Variants in CCDC148 observed in about 807,000 individuals in gnomAD.
CCDC148 encodes coiled-coil domain-containing protein 148.
In CCDC148, 89 loss-of-function variants were observed where a neutral mutation model predicts 85.7. The ratio of observed to expected loss-of-function variants is 1.04; its 90% CI spans 0.87 to 1.24. The LOEUF is 1.24. Among genes scored for constraint, CCDC148 ranks in the 50% most tolerant of loss-of-function variants. CCDC148 has a pLI of 0.00. For missense variants in CCDC148, 692 were observed against 671.7 expected, an observed-to-expected ratio of 1.03 and a Z score of -0.33; for synonymous variants, 230 against 213.9, an observed-to-expected ratio of 1.08 and a Z score of -0.66.
intron 11 of CCDC148, among the ~76,000 whole-genome samples, chr2:158,197,484 G>C (rs1266488766): frequency 6.6e-6 from 1 of 152,102 alleles, no homozygotes; most frequent in Non-Finnish European, 1.5e-5. Context: ...TAAAGTATGT[G>C]TATGGTTAAG....
At chr2:158,211,092 G>A (rs1392585154) in intron 11 of CCDC148, among the ~76,000 whole-genome samples, 2 of 151,962 alleles carry the variant, frequency 1.3e-5, no homozygotes, top group African/African-American at 4.8e-5. Context: ...GTAGACGGTG[G>A]GTTGATGGGT....
rs147595544 is a variant in CCDC148, at chr2:158,440,504, C to G, written c.25+15911G>C. The stretch of plus-strand genomic sequence containing the variant: ...TTATTCTCAGGAGATGCATTCAAGA[C>G]CCCCAGTGGATACCTGAAACCTCGA... On this transcript the variant is annotated intron_variant, in intron 1 of 13. Coordinates refer to ENST00000283233, the MANE Select transcript of CCDC148 (RefSeq NM_138803.4). 5.5e-3 allele frequency among the ~76,000 whole-genome samples: 834 copies of G among 152,174 alleles called. 2 individuals carry two copies. Among genetic ancestry groups the G allele is most frequent in the South Asian group, 9.1e-3 (44 of 4,818 alleles).
intron 11 of CCDC148, among the ~76,000 whole-genome samples, chr2:158,209,779 C>T (rs779589607): frequency 1.8e-4 from 27 of 152,278 alleles, no homozygotes; most frequent in Non-Finnish European, 3.8e-4. Context: ...ATTCTGTCAC[C>T]ACCAGGCCTG....
chr2:158,261,824 A>G (rs6752817), intron 9 of CCDC148, among the ~76,000 whole-genome samples: 6,174 of 152,216 alleles, frequency 0.041, 415 homozygotes, highest in African/African-American at 0.14. Flanking sequence ...ATACCATCTC[A>G]CACCAGTCAC....
At chr2:158,197,551 C>G (rs1685738853) in intron 11 of CCDC148, among the ~76,000 whole-genome samples, 1 of 152,102 alleles carries the variant, frequency 6.6e-6, no homozygotes, top group African/African-American at 2.4e-5. Flanking sequence ...AAGAAACATC[C>G]TGTCTAAAAC....
At chr2:158,211,415 G>T (rs958904550) in intron 11 of CCDC148, among the ~76,000 whole-genome samples, 1 of 152,198 alleles carries the variant, frequency 6.6e-6, no homozygotes, top group Non-Finnish European at 1.5e-5. Flanking sequence ...ATAAAGGGAT[G>T]TAATAATGCT....
intron 1 of CCDC148, among the ~76,000 whole-genome samples, chr2:158,438,363 A>G (rs1157542713): frequency 6.6e-6 from 1 of 152,240 alleles, no homozygotes; most frequent in East Asian, 1.9e-4. Context: ...TGACAAAAAC[A>G]AGAAATGGGG....
chr2:158,215,780 A>T (rs1382346797), intron 11 of CCDC148, among the ~76,000 whole-genome samples: 1 of 152,042 alleles, frequency 6.6e-6, no homozygotes, highest in Non-Finnish European at 1.5e-5. Context: ...TCTGCTCAAA[A>T]TTCATATGTT....
In CCDC148 at chr2:158,395,851, G is replaced by C. The variant is rs369423875; in HGVS notation, c.26-37281C>G. On this transcript the variant is annotated intron_variant, in intron 1 of 13. Coordinates refer to ENST00000283233, the MANE Select transcript of CCDC148 (RefSeq NM_138803.4). ...CACATGTCTAACAGGAATGTTATGG[G>C]AATTAAATAAAATAGCTATACAAAG... is the stretch of plus-strand genomic sequence containing the variant. Among the ~76,000 whole-genome samples the C allele has an allele frequency of 1.6e-4, 24 of 152,164 alleles. 2 individuals carry two copies. In the South Asian group the frequency reaches 1.7e-3, roughly 11 times the overall value.
At chr2:158,189,821 G>A (rs1558968204) in intron 11 of CCDC148, among the ~76,000 whole-genome samples, 1 of 151,878 alleles carries the variant, frequency 6.6e-6, no homozygotes, top group Non-Finnish European at 1.5e-5. Context: ...TACTTCCTGA[G>A]TCTAGTGGCT....
intron 1 of CCDC148, among the ~76,000 whole-genome samples, chr2:158,422,342 A>T (rs749769993): frequency 4.3e-4 from 65 of 152,328 alleles, no homozygotes; most frequent in Non-Finnish European, 5.9e-4. Flanking sequence ...TCCTCAATAA[A>T]GTACTGGCAA....
intron 3 of CCDC148, 84 bp downstream of exon 3, chr2:158,345,131 C>T (rs1682927832): frequency 2.3e-6 from 2 of 870,058 alleles, no homozygotes; most frequent in South Asian, 2.2e-5. Context: ...GGTTAATTAA[C>T]ATGGAACATT....
At chr2:158,281,458 C>G (rs1419008167) in intron 9 of CCDC148, among the ~76,000 whole-genome samples, 1 of 151,920 alleles carries the variant, frequency 6.6e-6, no homozygotes, top group Non-Finnish European at 1.5e-5. Flanking sequence ...ACCACCGATC[C>G]CACAGAAATA....
chr2:158,260,556 G>C (rs1463774907), intron 9 of CCDC148, among the ~76,000 whole-genome samples: 3 of 151,988 alleles, frequency 2.0e-5, no homozygotes, highest in Non-Finnish European at 4.4e-5. Flanking sequence ...CAAATAGAAA[G>C]AGAGGAAGTC....
intron 11 of CCDC148, among the ~76,000 whole-genome samples, chr2:158,208,765 T>C (rs1478990681): frequency 6.6e-6 from 1 of 152,218 alleles, no homozygotes; most frequent in Non-Finnish European, 1.5e-5. Context: ...GCCTAACTGA[T>C]GATTTTGTGG....
chr2:158,358,508 G>C lies in CCDC148; in HGVS notation c.88C>G (p.Gln30Glu). The change falls in exon 2 of 14, where the codon CAA (glutamine) becomes GAA (glutamate). Residue 30 changes from glutamine (Q) to glutamate (E), a missense_variant. Transcript: ENST00000283233. ...RNIKYKPVDY[Q>E]QLRALTEAKK... ...GCTTCAGTTAATGCACGCAATTGTT[G>C]ATAGTCTACTGGTTTGTACTTGATG... 1 of 1,608,656 alleles carries C rather than the reference G, an allele frequency of 6.2e-7. No homozygotes were observed. Among genetic ancestry groups the C allele is most frequent in the Non-Finnish European group, 8.5e-7 (1 of 1,178,176 alleles).
chr2:158,352,702 T>C (rs1683386863), intron 2 of CCDC148, among the ~76,000 whole-genome samples: 3 of 151,498 alleles, frequency 2.0e-5, no homozygotes, highest in Admixed American at 6.6e-5. Context: ...CAGGCCAATG[T>C]TCAGATTCAG....
At chr2:158,323,283 T>C (rs927564032) in intron 7 of CCDC148, among the ~76,000 whole-genome samples, 2 of 152,170 alleles carry the variant, frequency 1.3e-5, no homozygotes, top group Non-Finnish European at 2.9e-5. Context: ...AAATATAAAA[T>C]GCTGACCAGA....
At chr2:158,307,816 C>T (rs1395125959) in intron 9 of CCDC148, among the ~76,000 whole-genome samples, 1 of 152,168 alleles carries the variant, frequency 6.6e-6, no homozygotes, top group African/African-American at 2.4e-5. Context: ...ATATGAAGTT[C>T]AGGAACAGAC....
Sources: gnomAD v4.1 joint callset for allele counts (sites outside exome capture counted in the v4.1 genomes callset) on GRCh38, gnomAD v4.1.1 for gene constraint, MANE v1.5 for transcripts, NCBI Gene and HGNC (gene_info 2026-07-23, HGNC 2026-07-21) for gene names.